The following PSMA3 variants were observed in gnomAD, a reference collection of about 807,000 sequenced individuals.
PSMA3 encodes proteasome subunit alpha type-3.
PSMA3 carries 8 observed loss-of-function variants against 40.0 expected under a neutral mutation model. The observed-to-expected ratio is 0.20, with a 90% confidence interval of 0.12 to 0.36. The LOEUF is 0.36. Ranked by LOEUF, PSMA3 falls within the 10% of genes least tolerant of loss-of-function variation. PSMA3 has a pLI of 1.00. For synonymous variants in PSMA3, 110 were observed against 100.0 expected, an observed-to-expected ratio of 1.10 and a Z score of -0.59; for missense variants, 219 against 310.6, an observed-to-expected ratio of 0.70 and a Z score of 2.22.
intron 9 of PSMA3, 141 bp downstream of exon 9, chr14:58,270,626 T>C (rs963537723): frequency 4.0e-5 from 57 of 1,436,818 alleles, no homozygotes; most frequent in Middle Eastern, 2.3e-4. Context: ...TGCTTAATAA[T>C]TGACTTAAGT....
chr14:58,245,899 T>C (rs1277590162), intron 1 of PSMA3, among the ~76,000 whole-genome samples: 1 of 152,248 alleles, frequency 6.6e-6, no homozygotes, highest in African/African-American at 2.4e-5. Context: ...CATTCAGTTA[T>C]GAATGCTAAA....
chr14:58,255,349 T>G (rs1890118812), intron 3 of PSMA3, among the ~76,000 whole-genome samples: 1 of 152,220 alleles, frequency 6.6e-6, no homozygotes, highest in African/African-American at 2.4e-5. Context: ...TGCACAGTAC[T>G]TACTTTTTTT....
At chr14:58,247,879 T>C (rs763389779) in intron 2 of PSMA3, 47 bp downstream of exon 2, 33 of 1,359,072 alleles carry the variant, frequency 2.4e-5, no homozygotes, top group Non-Finnish European at 3.2e-5. Flanking sequence ...TTATTTTATA[T>C]ATTTTTGGCG....
At chr14:58,271,065 G>A in intron 10 of PSMA3, 67 bp downstream of exon 10, 1 of 1,225,022 alleles carries the variant, frequency 8.2e-7, no homozygotes, top group Non-Finnish European at 1.2e-6. Context: ...CCAGGAGTTT[G>A]AGACCAGCCT....
chr14:58,263,683 A>G (rs1354239736), intron 6 of PSMA3, 22 bp from the exon 7 acceptor site: 1 of 1,580,792 alleles, frequency 6.3e-7, no homozygotes, highest in East Asian at 2.2e-5. Flanking sequence ...TTCAGTGATT[A>G]TATATATTTT....
intron 1 of PSMA3, 165 bp downstream of exon 1, chr14:58,245,106 T>C: frequency 1.3e-6 from 1 of 781,802 alleles, no homozygotes; most frequent in Non-Finnish European, 2.2e-6. Flanking sequence ...ATCCCCTATA[T>C]GCTAGGCCTG....
chr14:58,264,890 TATG>T (rs1275175525), intron 7 of PSMA3: 2 of 152,242 alleles, frequency 1.3e-5, no homozygotes, highest in Non-Finnish European at 1.5e-5. Context: ...CACTTACTAG[TATG>T]ATGCTAGGTT....
At chr14:58,248,660 G>T (rs1188284798) in intron 2 of PSMA3, among the ~76,000 whole-genome samples, 1 of 151,906 alleles carries the variant, frequency 6.6e-6, no homozygotes, top group Non-Finnish European at 1.5e-5. Context: ...TTTCCTGAAT[G>T]AAGAAAAAAT....
At chr14:58,260,831 A>AT in intron 5 of PSMA3, 117 bp from the exon 6 acceptor site, 1 of 627,594 alleles carries the variant, frequency 1.6e-6, no homozygotes, top group Non-Finnish European at 2.8e-6. Context: ...TTACTGAGTT[A>AT]TATGTGTATT....
chr14:58,258,150 A>G, intron 5 of PSMA3, 152 bp downstream of exon 5: 1 of 604,550 alleles, frequency 1.7e-6, no homozygotes, highest in South Asian at 2.6e-5. Flanking sequence ...CATAGAAACT[A>G]CTTGAGGCTG....
At position 58,267,248 on chromosome 14, in the gene PSMA3, C is replaced by T. The variant is rs74532071; in HGVS notation, c.544-226C>T. 387 of 681,548 alleles carry T rather than the reference C, an allele frequency of 5.7e-4. 6 individuals are homozygous for T. The East Asian group carries it at 0.022, about 39-fold the overall frequency. 42.2% of individuals were successfully genotyped at this position (681,548 alleles called of 1,614,324 possible). On this transcript the variant is annotated intron_variant, in intron 7 of 10. Transcript: ENST00000216455. ...AACTTCTGACTTCAGGCAATCCGGC[C>T]GCCTCGGCCTCCCAAAGTGCTGGGA...
intron 8 of PSMA3, 44 bp downstream of exon 8, chr14:58,267,564 G>A (rs35846334): frequency 6.5e-7 from 1 of 1,545,006 alleles, no homozygotes; most frequent in Non-Finnish European, 8.7e-7. Flanking sequence ...TATTTCATTT[G>A]ACCTTTGCAT....
At chr14:58,256,629 G>C (rs573875850) in intron 3 of PSMA3, among the ~76,000 whole-genome samples, 14 of 150,638 alleles carry the variant, frequency 9.3e-5, no homozygotes, top group Non-Finnish European at 1.8e-4. Flanking sequence ...GGCCAGGCTG[G>C]TCTTGAACTC....
At chr14:58,264,095 TTG>T (rs1890364337) in intron 7 of PSMA3, among the ~76,000 whole-genome samples, 1 of 152,160 alleles carries the variant, frequency 6.6e-6, no homozygotes, top group Non-Finnish European at 1.5e-5. Flanking sequence ...ATCTGTAGAG[TTG>T]TGTTATACAT....
intron 5 of PSMA3, 144 bp downstream of exon 5, chr14:58,258,142 T>TAAAATAAAAC: frequency 1.6e-6 from 1 of 633,128 alleles, no homozygotes; most frequent in East Asian, 2.8e-5. Flanking sequence ...ACAGTGTACA[T>TAAAATAAAAC]AGAAACTACT....
chr14:58,257,024 C>T (rs896113163), intron 3 of PSMA3, among the ~76,000 whole-genome samples: 9 of 149,238 alleles, frequency 6.0e-5, no homozygotes, highest in Non-Finnish European at 1.2e-4. Context: ...ATCCCTTGAA[C>T]CTGAGAGGCA....
intron 10 of PSMA3, 132 bp downstream of exon 10, chr14:58,271,130 C>A (rs545060051): frequency 1.1e-4 from 52 of 492,836 alleles, no homozygotes; most frequent in African/African-American, 9.4e-4. Flanking sequence ...ATTCTCTAAC[C>A]AAAATTATGT....
intron 2 of PSMA3, among the ~76,000 whole-genome samples, chr14:58,249,337 T>C (rs531052565): frequency 2.0e-5 from 3 of 152,172 alleles, no homozygotes; most frequent in Admixed American, 6.5e-5. Flanking sequence ...TAGTTTCTTA[T>C]TTTAAAAAAA....
At chr14:58,264,190 A>T (rs1890366782) in intron 7 of PSMA3, among the ~76,000 whole-genome samples, 1 of 152,198 alleles carries the variant, frequency 6.6e-6, no homozygotes, top group African/African-American at 2.4e-5. Context: ...AAATCCTTGA[A>T]ACCTATTTAT....
Sources: allele counts gnomAD v4.1 joint callset (sites outside exome capture counted in the v4.1 genomes callset), GRCh38; gene constraint gnomAD v4.1.1; transcripts MANE v1.5; gene names NCBI Gene and HGNC (gene_info 2026-07-23, HGNC 2026-07-21).